ARID3B: variants seen among roughly 807,000 people sequenced by gnomAD.
The protein encoded by ARID3B is AT-rich interactive domain-containing protein 3B.
In ARID3B, 10 loss-of-function variants were observed where a neutral mutation model predicts 51.9. That is an observed-to-expected ratio of 0.19 (90% confidence interval 0.12 to 0.33). ARID3B has a LOEUF of 0.33. ARID3B is among the 10% of genes least tolerant of loss of function. The pLI is 1.00. For synonymous variants in ARID3B, 205 were observed against 279.5 expected (o/e 0.73, Z 2.66); for missense variants, 483 against 716.3 (o/e 0.67, Z 3.72).
chr15:74,543,732 G>A, intron 1 of ARID3B, 128 bp from the exon 2 acceptor site: 1 of 605,870 alleles, frequency 1.7e-6, no homozygotes, highest in Admixed American at 3.2e-5. Context: ...TTAAAACTCA[G>A]GTTTAGGAGC....
rs200216472 is a variant in ARID3B at position 74,591,853 on chromosome 15, A to G, written c.1420+39A>G. 1.7e-4 allele frequency: 268 copies of G among 1,594,830 alleles called. No individual in the cohort carries two copies. The African/African-American group carries it at 3.3e-3, about 20-fold the overall frequency. On this transcript the variant is annotated intron_variant, in intron 7 of 8. Transcript: ENST00000346246. The surrounding 1 kb of genome is among the most constrained non-coding windows in gnomAD (Gnocchi z 5.8). ...AGGGCCGGGCCTTCCCTTCCTGGAA[A>G]CCCCAAGCCCATTCACGCCTCCTGG...
chr15:74,560,031 T>TAAAAAAAAAAAAA (rs71137394), intron 2 of ARID3B, among the ~76,000 whole-genome samples: 9 of 35,628 alleles, frequency 2.5e-4, no homozygotes, highest in South Asian at 3.4e-3. Context: ...CTGTCTCTAC[T>TAAAAAAAAAAAAA]AAAAAAAAAA....
intron 4 of ARID3B, chr15:74,574,026 G>T (rs1405977030): frequency 6.6e-6 from 1 of 152,212 alleles, no homozygotes; most frequent in Non-Finnish European, 1.5e-5. Context: ...GGGATTACAG[G>T]CATGAGCCAC....
intron 2 of ARID3B, among the ~76,000 whole-genome samples, chr15:74,556,779 T>TTTTG (rs1555438870): frequency 6.8e-6 from 1 of 146,168 alleles, no homozygotes; most frequent in Non-Finnish European, 1.5e-5. Flanking sequence ...GTTTTTTGTT[T>TTTTG]TTTTTTTTTT....
intron 2 of ARID3B, among the ~76,000 whole-genome samples, chr15:74,555,558 C>A (rs2061654346): frequency 6.6e-6 from 1 of 152,084 alleles, no homozygotes; most frequent in South Asian, 2.1e-4. Flanking sequence ...TCTCAAAACT[C>A]CTGGTTCAAG....
chr15:74,558,537 T>G (rs944946255), intron 2 of ARID3B, among the ~76,000 whole-genome samples: 2 of 152,212 alleles, frequency 1.3e-5, no homozygotes, highest in African/African-American at 4.8e-5. Flanking sequence ...CTAAAACTCA[T>G]TTATGGAAAT....
At chr15:74,579,766 A>G (rs1282683429) in intron 4 of ARID3B, among the ~76,000 whole-genome samples, 2 of 151,556 alleles carry the variant, frequency 1.3e-5, no homozygotes, top group Non-Finnish European at 2.9e-5. Context: ...CCGCCAGAAT[A>G]TTTCTCTAGA....
rs1441216654 is a variant in ARID3B at position 74,579,866 on chromosome 15, T to C, written c.697+6662T>C. On this transcript the variant is annotated intron_variant, in intron 4 of 8. Transcript: ENST00000346246. Reference sequence around the variant, plus strand: ...GTGTGTGTGTGTGTGTGTGTGTGTGTGTGTGTGCGCGCGCGCGCACACGCA... The same window carrying C: ...GTGTGTGTGTGTGTGTGTGTGTGTGCGTGTGTGCGCGCGCGCGCACACGCA... Among the ~76,000 whole-genome samples, 231 of 126,728 alleles carry C rather than the reference T, an allele frequency of 1.8e-3. 1 individual carries two copies. Among genetic ancestry groups the C allele is most frequent in the Non-Finnish European group, 1.5e-3 (89 of 61,364 alleles). 83.1% of individuals were successfully genotyped at this position (126,728 alleles called of 152,430 possible).
At chr15:74,565,977 T>C (rs2061696648) in intron 2 of ARID3B, among the ~76,000 whole-genome samples, 5 of 152,318 alleles carry the variant, frequency 3.3e-5, no homozygotes, top group Admixed American at 2.6e-4. Context: ...CTTGATCCCC[T>C]GTCCAGCCTC....
chr15:74,562,393 G>A lies in ARID3B; in HGVS notation c.553-10469G>A, dbSNP rs143020230. On this transcript the variant is annotated intron_variant, in intron 2 of 8. Transcript: ENST00000346246. ...TGTCCTCAGGTGATCCGCCCACCTC[G>A]GCCTCCCAAACTGCTGGGATTACAG... is the stretch of plus-strand genomic sequence containing the variant. Among the ~76,000 whole-genome samples the A allele has an allele frequency of 7.2e-5, 11 of 152,200 alleles. No homozygotes were observed. In the East Asian group the frequency reaches 1.5e-3, roughly 21 times the overall value.
At chr15:74,570,622 G>A (rs963392872) in intron 2 of ARID3B, among the ~76,000 whole-genome samples, 5 of 152,162 alleles carry the variant, frequency 3.3e-5, no homozygotes, top group African/African-American at 9.7e-5. Flanking sequence ...TAACAGAAGC[G>A]GCAATGATCC....
At chr15:74,588,248 A>AG (rs1426541563) in intron 4 of ARID3B, among the ~76,000 whole-genome samples, 25 of 151,598 alleles carry the variant, frequency 1.6e-4, no homozygotes, top group African/African-American at 5.3e-4. Context: ...AAAAAAAAAA[A>AG]AAGAAGAAGA....
At chr15:74,550,810 C>G (rs1178500857) in intron 2 of ARID3B, among the ~76,000 whole-genome samples, 1 of 152,162 alleles carries the variant, frequency 6.6e-6, no homozygotes, top group Non-Finnish European at 1.5e-5. Context: ...ATGCATCAAT[C>G]TATTCCAGAG....
At chr15:74,552,076 T>TC (rs1334168551) in intron 2 of ARID3B, among the ~76,000 whole-genome samples, 3 of 142,562 alleles carry the variant, frequency 2.1e-5, no homozygotes, top group African/African-American at 7.8e-5. Flanking sequence ...TTTTTTTTTT[T>TC]TCTGAGACGG....
intron 4 of ARID3B, among the ~76,000 whole-genome samples, chr15:74,589,049 T>TA (rs1279858642): frequency 1.9e-5 from 2 of 102,930 alleles, no homozygotes; most frequent in African/African-American, 9.1e-5. Context: ...TTTTTTTTTT[T>TA]AAGACAGTCT....
chr15:74,593,302 T>G, intron 8 of ARID3B, 66 bp downstream of exon 8: 1 of 1,452,186 alleles, frequency 6.9e-7, no homozygotes. Flanking sequence ...GCTCTGCGGC[T>G]GGCCCTGCCT....
At chr15:74,551,577 T>G (rs1246501264) in intron 2 of ARID3B, among the ~76,000 whole-genome samples, 1 of 152,196 alleles carries the variant, frequency 6.6e-6, no homozygotes, top group East Asian at 1.9e-4. Flanking sequence ...CCTGACTCTT[T>G]GGGCTCATTC....
intron 2 of ARID3B, among the ~76,000 whole-genome samples, chr15:74,568,410 G>A (rs980442400): frequency 6.6e-6 from 1 of 152,216 alleles, no homozygotes; most frequent in Non-Finnish European, 1.5e-5. Context: ...GAGCCAGACA[G>A]ACCTAGGTTT....
intron 2 of ARID3B, among the ~76,000 whole-genome samples, chr15:74,546,831 T>A (rs935076193): frequency 3.3e-5 from 5 of 152,206 alleles, no homozygotes; most frequent in African/African-American, 1.2e-4. Flanking sequence ...TAGCAATGAC[T>A]TAAACCGTCA....
Sources: allele counts gnomAD v4.1 joint callset (sites outside exome capture counted in the v4.1 genomes callset), GRCh38; gene constraint gnomAD v4.1.1; non-coding constraint Gnocchi (gnomAD v3.1); transcripts MANE v1.5; gene names NCBI Gene and HGNC (gene_info 2026-07-23, HGNC 2026-07-21).